The following BRMS1L variants were observed in gnomAD, a reference collection of about 807,000 sequenced individuals.
The protein encoded by BRMS1L is BRMS1 like transcriptional repressor.
Under a neutral mutation model 50.3 loss-of-function variants are expected in BRMS1L, and 23 were observed. The ratio of observed to expected loss-of-function variants is 0.46; its 90% CI spans 0.33 to 0.65. The LOEUF is 0.65. BRMS1L is among the 30% of genes least tolerant of loss of function. The pLI, the probability that BRMS1L is intolerant of heterozygous loss-of-function variation, is 0.02. For missense variants in BRMS1L, 286 were observed against 386.1 expected (o/e 0.74, Z 2.17); for synonymous variants, 114 against 126.9 (o/e 0.90, Z 0.69).
In BRMS1L at chr14:35,871,557, T is replaced by A. The variant is rs924678145; in HGVS notation, c.*1080T>A. ...CTCAATATGGCAGCACAGCCGGCTGTAGTGTATATTTAGGGTACACCAAAT... is the reference window on the plus strand; with the variant it reads ...CTCAATATGGCAGCACAGCCGGCTGAAGTGTATATTTAGGGTACACCAAAT... On this transcript the variant is annotated 3_prime_UTR_variant, in exon 10 of 10. Coordinates refer to ENST00000216807, the MANE Select transcript of BRMS1L (RefSeq NM_032352.4). The A allele has an allele frequency of 1.3e-5, 2 of 152,666 alleles. No homozygotes were observed. Among genetic ancestry groups the A allele is most frequent in the Non-Finnish European group, 2.9e-5 (2 of 68,040 alleles). The allele number at this position is 152,666 out of a possible 1,614,324, so 9.5% of individuals were successfully genotyped here. A position where few individuals can be genotyped will look rare whatever the true frequency, so the allele number is the denominator to read the frequency against.
chr14:35,847,077 C>T (rs557800403), intron 4 of BRMS1L, among the ~76,000 whole-genome samples: 8 of 151,824 alleles, frequency 5.3e-5, no homozygotes, highest in Non-Finnish European at 7.4e-5. Context: ...TGAGTTCAAG[C>T]GATCTTCCCA....
At chr14:35,826,892 C>T in intron 1 of BRMS1L, 1 of 544,118 alleles carries the variant, frequency 1.8e-6, no homozygotes, top group Non-Finnish European at 3.1e-6. Flanking sequence ...CTCCCAAACG[C>T]GGCGTGGTCC....
intron 4 of BRMS1L, among the ~76,000 whole-genome samples, chr14:35,846,313 T>C (rs973573496): frequency 2.0e-5 from 3 of 151,738 alleles, no homozygotes; most frequent in African/African-American, 7.3e-5. Context: ...AGAGGATTGC[T>C]TGAGACCAGG....
At chr14:35,837,908 T>C (rs1479884066) in intron 4 of BRMS1L, among the ~76,000 whole-genome samples, 2 of 152,174 alleles carry the variant, frequency 1.3e-5, no homozygotes, top group Non-Finnish European at 2.9e-5. Flanking sequence ...AGTTCTAGGA[T>C]ACGTGTGCAG....
At chr14:35,853,847 T>A (rs1419306426) in intron 4 of BRMS1L, among the ~76,000 whole-genome samples, 1 of 152,234 alleles carries the variant, frequency 6.6e-6, no homozygotes, top group African/African-American at 2.4e-5. Flanking sequence ...AATAATGTCA[T>A]AAAGTTATAT....
intron 4 of BRMS1L, among the ~76,000 whole-genome samples, chr14:35,840,719 C>T (rs901182649): frequency 1.3e-5 from 2 of 152,050 alleles, no homozygotes; most frequent in Admixed American, 1.3e-4. Context: ...GGTGATATCC[C>T]CTTTATAATT....
At chr14:35,844,269 C>G (rs2078103971) in intron 4 of BRMS1L, among the ~76,000 whole-genome samples, 1 of 152,074 alleles carries the variant, frequency 6.6e-6, no homozygotes, top group African/African-American at 2.4e-5. Flanking sequence ...CGGTGTCTGC[C>G]CAAAAGGCTG....
chr14:35,859,809 T>C (rs1201464862), intron 4 of BRMS1L, among the ~76,000 whole-genome samples: 1 of 151,926 alleles, frequency 6.6e-6, no homozygotes, highest in Non-Finnish European at 1.5e-5. Context: ...GCTGCCATGC[T>C]TAGCTAATTT....
At chr14:35,850,310 C>T (rs913026930) in intron 4 of BRMS1L, among the ~76,000 whole-genome samples, 2 of 150,898 alleles carry the variant, frequency 1.3e-5, no homozygotes, top group African/African-American at 2.4e-5. Flanking sequence ...TGGGTTCAAG[C>T]GATTCCCCTG....
chr14:35,855,672 A>T (rs969872778), intron 4 of BRMS1L, among the ~76,000 whole-genome samples: 2 of 152,118 alleles, frequency 1.3e-5, no homozygotes, highest in African/African-American at 4.8e-5. Flanking sequence ...TGACATTTTT[A>T]TGTTTAACAT....
intron 4 of BRMS1L, among the ~76,000 whole-genome samples, chr14:35,859,362 G>A (rs142482305): frequency 2.6e-5 from 4 of 152,248 alleles, no homozygotes; most frequent in Middle Eastern, 3.4e-3. Context: ...ACATCTTGAC[G>A]CTCACACTTA....
intron 9 of BRMS1L, among the ~76,000 whole-genome samples, chr14:35,869,060 T>C (rs2078456173): frequency 6.6e-6 from 1 of 152,234 alleles, no homozygotes; most frequent in South Asian, 2.1e-4. Context: ...GTCTACAGTA[T>C]GCATTTTCCA....
chr14:35,839,537 CTT>C (rs1567302731), intron 4 of BRMS1L, among the ~76,000 whole-genome samples: 1 of 152,122 alleles, frequency 6.6e-6, no homozygotes, highest in East Asian at 1.9e-4. Context: ...TGTGTCCTCT[CTT>C]ATTTCCTTGA....
intron 1 of BRMS1L, among the ~76,000 whole-genome samples, chr14:35,828,816 T>C (rs950263640): frequency 1.3e-5 from 2 of 152,170 alleles, no homozygotes; most frequent in Non-Finnish European, 2.9e-5. Flanking sequence ...CAAATGGAAA[T>C]GTGACATTGG....
chr14:35,828,471 C>A (rs1450124092), intron 1 of BRMS1L, among the ~76,000 whole-genome samples: 4 of 99,278 alleles, frequency 4.0e-5, no homozygotes, highest in South Asian at 6.8e-4. Flanking sequence ...CATTCCCAGC[C>A]TTTTTTTTTT....
chr14:35,849,302 G>T (rs2078178339), intron 4 of BRMS1L, among the ~76,000 whole-genome samples: 1 of 151,994 alleles, frequency 6.6e-6, no homozygotes, highest in Non-Finnish European at 1.5e-5. Flanking sequence ...TTGTTTGTTT[G>T]TTTTTGAGAC....
intron 1 of BRMS1L, among the ~76,000 whole-genome samples, chr14:35,830,790 T>C (rs1053711926): frequency 2.0e-5 from 3 of 152,198 alleles, no homozygotes; most frequent in African/African-American, 7.2e-5. Flanking sequence ...GGTGAGTTGG[T>C]GGAAAACAAA....
intron 4 of BRMS1L, among the ~76,000 whole-genome samples, chr14:35,855,022 A>G (rs557300198): frequency 2.4e-4 from 37 of 152,070 alleles, no homozygotes; most frequent in Non-Finnish European, 4.3e-4. Context: ...CCTCAGGTGG[A>G]TCTTTTTGGT....
intron 5 of BRMS1L, among the ~76,000 whole-genome samples, 166 bp from the exon 6 acceptor site, chr14:35,863,704 C>T (rs1272333067): frequency 3.3e-5 from 5 of 152,188 alleles, no homozygotes; most frequent in Non-Finnish European, 7.3e-5. Context: ...AACTTAAACA[C>T]GTAGTGCTCA....
Sources: gnomAD v4.1 joint callset for allele counts (sites outside exome capture counted in the v4.1 genomes callset) on GRCh38, gnomAD v4.1.1 for gene constraint, MANE v1.5 for transcripts, NCBI Gene and HGNC (gene_info 2026-07-23, HGNC 2026-07-21) for gene names.